Variants in KIAA1217 observed in about 807,000 individuals in gnomAD.
KIAA1217 encodes KIAA1217.
In KIAA1217, 88 loss-of-function variants were observed where a neutral mutation model predicts 163.9. The ratio of observed to expected loss-of-function variants is 0.54; its 90% CI spans 0.45 to 0.64. The LOEUF (loss-of-function observed/expected upper bound fraction) is 0.64. Ranked by LOEUF, KIAA1217 falls within the 30% of genes least tolerant of loss-of-function variation. KIAA1217 has a pLI of 0.00. For missense variants in KIAA1217, 2,372 were observed against 2,475.0 expected (o/e 0.96, Z 0.88); for synonymous variants, 903 against 923.1 (o/e 0.98, Z 0.39).
At chr10:24,337,933 G>A (rs970945188) in intron 2 of KIAA1217, among the ~76,000 whole-genome samples, 9 of 152,110 alleles carry the variant, frequency 5.9e-5, no homozygotes, top group East Asian at 1.9e-4. Flanking sequence ...ATGAGCCACC[G>A]CGCCCGGCCC....
chr10:24,260,974 G>T (rs1188627604), intron 2 of KIAA1217, among the ~76,000 whole-genome samples: 1 of 152,130 alleles, frequency 6.6e-6, no homozygotes, highest in Admixed American at 6.5e-5. Context: ...AGTATTGGAA[G>T]GGGGAGGACA....
chr10:24,524,584 T>C lies in KIAA1217; in HGVS notation c.2718T>C (p.Pro906=), dbSNP rs527882250. The change falls in exon 13 of 21, where the codon CCT becomes CCC. Residue 906 remains proline (P), a synonymous_variant. Coordinates refer to ENST00000376454, the MANE Select transcript of KIAA1217 (RefSeq NM_019590.5). The part of the protein sequence containing the change: ...PSQHSVALLN[P]AQNLPHVASS... ...AGCACTCCGTGGCCCTGCTGAACCCTGCTCAGAACTTGCCTCACGTGGCCA... is the reference window on the plus strand; with the variant it reads ...AGCACTCCGTGGCCCTGCTGAACCCCGCTCAGAACTTGCCTCACGTGGCCA... 1.9e-6 allele frequency: 3 copies of C among 1,614,064 alleles called. No homozygotes were observed. Among genetic ancestry groups the C allele is most frequent in the African/African-American group, 2.7e-5 (2 of 75,052 alleles).
At chr10:24,519,981 C>T in intron 10 of KIAA1217, 142 bp from the exon 11 acceptor site, 1 of 909,350 alleles carries the variant, frequency 1.1e-6, no homozygotes, top group South Asian at 1.7e-5. Flanking sequence ...AGCGACCCCC[C>T]TCCACCACCA....
chr10:24,217,626 C>T (rs893611716), intron 1 of KIAA1217, among the ~76,000 whole-genome samples: 1 of 152,144 alleles, frequency 6.6e-6, no homozygotes, highest in African/African-American at 2.4e-5. Context: ...TAGGCAAAGA[C>T]AAGGGAAAGA....
intron 1 of KIAA1217, among the ~76,000 whole-genome samples, chr10:23,818,024 C>CATATATAT (rs1837417189): frequency 2.0e-5 from 2 of 101,954 alleles, no homozygotes; most frequent in Admixed American, 9.8e-5. Context: ...CATATATATA[C>CATATATAT]ACACATATAT....
At chr10:23,876,862 TGAC>T (rs1436274094) in intron 1 of KIAA1217, among the ~76,000 whole-genome samples, 2 of 151,976 alleles carry the variant, frequency 1.3e-5, no homozygotes, top group Admixed American at 1.3e-4. Flanking sequence ...CTATATTTGA[TGAC>T]AACAATAAAG....
At chr10:23,948,803 T>A (rs1469866438) in intron 1 of KIAA1217, among the ~76,000 whole-genome samples, 1 of 152,142 alleles carries the variant, frequency 6.6e-6, no homozygotes, top group East Asian at 1.9e-4. Context: ...AACAAGTGAA[T>A]GAATAAATGA....
At chr10:23,739,048 C>A (rs942774264) in intron 1 of KIAA1217, among the ~76,000 whole-genome samples, 5 of 152,134 alleles carry the variant, frequency 3.3e-5, no homozygotes, top group Admixed American at 1.3e-4. Context: ...TATATATGCA[C>A]AATGAAATAC....
intron 1 of KIAA1217, among the ~76,000 whole-genome samples, chr10:23,887,065 G>A (rs888314955): frequency 1.3e-5 from 2 of 151,826 alleles, no homozygotes; most frequent in Non-Finnish European, 2.9e-5. Context: ...CAGAATAAGA[G>A]TCAGGAATCC....
At chr10:24,339,964 A>G (rs2046861341) in intron 2 of KIAA1217, among the ~76,000 whole-genome samples, 1 of 152,170 alleles carries the variant, frequency 6.6e-6, no homozygotes, top group South Asian at 2.1e-4. Context: ...GTGGGTTAGT[A>G]AATACAGCGA....
intron 6 of KIAA1217, among the ~76,000 whole-genome samples, chr10:24,476,377 T>C (rs1158140651): frequency 1.3e-5 from 2 of 152,184 alleles, no homozygotes; most frequent in East Asian, 1.9e-4. Context: ...TTTGGTACTA[T>C]GGGTATTCTT....
At chr10:23,908,477 C>T (rs1842277104) in intron 1 of KIAA1217, among the ~76,000 whole-genome samples, 1 of 152,042 alleles carries the variant, frequency 6.6e-6, no homozygotes, top group African/African-American at 2.4e-5. Flanking sequence ...TTCCTCGGCT[C>T]ACCCCTTAGG....
At chr10:24,189,963 G>A (rs1036024341) in intron 2 of KIAA1217, among the ~76,000 whole-genome samples, 1 of 151,678 alleles carries the variant, frequency 6.6e-6, no homozygotes, top group Admixed American at 6.6e-5. Flanking sequence ...CAAGGCTGCA[G>A]TGAGCTGTGA....
At chr10:23,913,092 G>A (rs936737379) in intron 1 of KIAA1217, among the ~76,000 whole-genome samples, 9 of 152,146 alleles carry the variant, frequency 5.9e-5, no homozygotes, top group East Asian at 1.9e-4. Context: ...GTCACCCTGC[G>A]GGTAACTTGT....
At chr10:24,092,283 C>T (rs999097808) in intron 2 of KIAA1217, among the ~76,000 whole-genome samples, 2 of 151,726 alleles carry the variant, frequency 1.3e-5, no homozygotes, top group African/African-American at 2.4e-5. Context: ...CTCCTCACTT[C>T]CCTCTTTCTT....
intron 1 of KIAA1217, among the ~76,000 whole-genome samples, chr10:23,721,063 A>G (rs1237367611): frequency 5.3e-5 from 8 of 152,218 alleles, no homozygotes; most frequent in Admixed American, 1.3e-4. Flanking sequence ...GTAGTCTTCA[A>G]GTCCTGTTTC....
At chr10:24,168,841 T>C (rs1404029658) in intron 2 of KIAA1217, among the ~76,000 whole-genome samples, 1 of 152,242 alleles carries the variant, frequency 6.6e-6, no homozygotes, top group Admixed American at 6.5e-5. Flanking sequence ...ATTTTTCTTT[T>C]CTTAAGCAAA....
At chr10:24,113,163 T>C in intron 2 of KIAA1217, among the ~76,000 whole-genome samples, 1 of 152,144 alleles carries the variant, frequency 6.6e-6, no homozygotes, top group Admixed American at 6.5e-5. Flanking sequence ...GACCCGGACA[T>C]ACAGCTTGAT....
At chr10:23,718,862 G>A (rs1194713715) in intron 1 of KIAA1217, among the ~76,000 whole-genome samples, 1 of 144,964 alleles carries the variant, frequency 6.9e-6, no homozygotes, top group African/African-American at 2.9e-5. Context: ...GAGAGAGAGA[G>A]AGAAGAGAGA....
Sources: allele counts gnomAD v4.1 joint callset (sites outside exome capture counted in the v4.1 genomes callset), GRCh38; gene constraint gnomAD v4.1.1; transcripts MANE v1.5; gene names NCBI Gene and HGNC (gene_info 2026-07-23, HGNC 2026-07-21).